Variants in ADAM32 observed in about 807,000 individuals in gnomAD.
The protein encoded by ADAM32 is ADAM metallopeptidase domain 32, also known as disintegrin and metalloproteinase domain-containing protein 32.
A neutral mutation model predicts 114.9 loss-of-function variants in ADAM32; 89 were observed. The ratio of observed to expected loss-of-function variants is 0.77; its 90% CI spans 0.65 to 0.92. ADAM32 has a LOEUF of 0.92. ADAM32 is among the 40% of genes least tolerant of loss of function. ADAM32 has a pLI of 0.00. For missense variants in ADAM32, 870 were observed against 932.8 expected (o/e 0.93, Z 0.88); for synonymous variants, 285 against 307.5 (o/e 0.93, Z 0.77).
chr8:39,136,608 C>T (rs1802818865), intron 2 of ADAM32, 49 bp from the exon 3 acceptor site: 3 of 1,222,294 alleles, frequency 2.5e-6, no homozygotes, highest in Non-Finnish European at 3.4e-6. Context: ...TGTTGTTTTG[C>T]TTCTTGTATT....
chr8:39,131,997 G>A, intron 2 of ADAM32: 1 of 318,010 alleles, frequency 3.1e-6, no homozygotes, highest in Non-Finnish European at 6.6e-6. Context: ...GGGTTCAAAC[G>A]ATTTTCCTGC....
chr8:39,149,947 T>C, intron 5 of ADAM32, 80 bp downstream of exon 5: 1 of 1,217,654 alleles, frequency 8.2e-7, no homozygotes, highest in Non-Finnish European at 1.2e-6. Context: ...GTATTAAGTG[T>C]GGGGTTGAAG....
intron 17 of ADAM32, among the ~76,000 whole-genome samples, chr8:39,246,895 T>TA (rs533298782): frequency 8.1e-4 from 123 of 152,316 alleles, no homozygotes; most frequent in Non-Finnish European, 1.3e-3. Context: ...CCACTTATCT[T>TA]ATTACTGTTT....
chr8:39,150,662 GTTC>G (rs1437862869), intron 5 of ADAM32, among the ~76,000 whole-genome samples: 8 of 151,970 alleles, frequency 5.3e-5, no homozygotes, highest in Admixed American at 2.0e-4. Context: ...ACAAACAAAT[GTTC>G]TTCTTCAGTG....
At chr8:39,268,538 G>A (rs999077032) in intron 19 of ADAM32, among the ~76,000 whole-genome samples, 2 of 152,110 alleles carry the variant, frequency 1.3e-5, no homozygotes, top group East Asian at 3.9e-4. Context: ...TGTTATCTCA[G>A]TCTAAGGCTT....
intron 3 of ADAM32, among the ~76,000 whole-genome samples, chr8:39,139,956 C>T (rs910088023): frequency 1.1e-4 from 16 of 152,142 alleles, no homozygotes; most frequent in Admixed American, 9.2e-4. Flanking sequence ...GGAGTTCACT[C>T]ATGATTTGGC....
At chr8:39,206,927 G>A (rs1294433457) in intron 11 of ADAM32, among the ~76,000 whole-genome samples, 2 of 151,918 alleles carry the variant, frequency 1.3e-5, no homozygotes, top group African/African-American at 4.8e-5. Flanking sequence ...GTGGGGGATG[G>A]GGGTGTTTGG....
chr8:39,234,099 C>T lies in ADAM32; in HGVS notation c.1818+17C>T. On this transcript the variant is annotated intron_variant, in intron 16 of 24. Coordinates refer to ENST00000379907, the MANE Select transcript of ADAM32 (RefSeq NM_145004.7). ...ATTGGGAGGGTAAATAATTTAAAATCTATTTAAAAAATATAGTTTTATTTA... is the reference window on the plus strand; with the variant it reads ...ATTGGGAGGGTAAATAATTTAAAATTTATTTAAAAAATATAGTTTTATTTA... 1 of 1,306,200 alleles carries T rather than the reference C, an allele frequency of 7.7e-7. No individual in the cohort carries two copies. The highest frequency in any genetic ancestry group is 9.9e-7 in the Non-Finnish European group (1 of 1,008,380). 80.9% of individuals were successfully genotyped at this position (1,306,200 alleles called of 1,614,324 possible). A position where few individuals can be genotyped will look rare whatever the true frequency, so the allele number is the denominator to read the frequency against.
intron 9 of ADAM32, chr8:39,167,170 A>C (rs1003731342): frequency 1.3e-5 from 2 of 152,166 alleles, no homozygotes; most frequent in African/African-American, 4.8e-5. Context: ...TTATAGTTTC[A>C]GATCTTAGTT....
intron 10 of ADAM32, among the ~76,000 whole-genome samples, chr8:39,170,336 T>C (rs908856885): frequency 1.2e-4 from 19 of 152,094 alleles, no homozygotes; most frequent in African/African-American, 4.6e-4. Flanking sequence ...AATATTCTTA[T>C]AGATAAAATA....
chr8:39,147,692 G>A (rs1255651077), intron 4 of ADAM32, among the ~76,000 whole-genome samples: 16 of 151,746 alleles, frequency 1.1e-4, no homozygotes, highest in Admixed American at 1.1e-3. Context: ...ATCATCTCTA[G>A]TTTGGATCAT....
At chr8:39,164,508 T>C (rs1377989754) in intron 7 of ADAM32, among the ~76,000 whole-genome samples, 2 of 152,258 alleles carry the variant, frequency 1.3e-5, no homozygotes, top group African/African-American at 4.8e-5. Flanking sequence ...CTGGGCCATA[T>C]AGTAAATCCA....
chr8:39,209,455 T>C (rs1808064781), intron 11 of ADAM32, among the ~76,000 whole-genome samples: 1 of 152,238 alleles, frequency 6.6e-6, no homozygotes, highest in South Asian at 2.1e-4. Context: ...AGTTTACACA[T>C]ATTTCTCCAG....
intron 10 of ADAM32, among the ~76,000 whole-genome samples, chr8:39,178,028 G>C (rs1408604508): frequency 1.3e-5 from 2 of 151,880 alleles, no homozygotes; most frequent in Admixed American, 6.6e-5. Flanking sequence ...ATCTTACTGG[G>C]GTTCTCTGGG....
intron 11 of ADAM32, among the ~76,000 whole-genome samples, chr8:39,197,067 G>C (rs967382721): frequency 1.3e-5 from 2 of 151,982 alleles, no homozygotes; most frequent in Non-Finnish European, 2.9e-5. Flanking sequence ...GTTCAATCTT[G>C]GCAGGTTGTA....
chr8:39,209,061 C>G (rs376011924), intron 11 of ADAM32, among the ~76,000 whole-genome samples: 2 of 151,804 alleles, frequency 1.3e-5, no homozygotes, highest in South Asian at 2.1e-4. Flanking sequence ...GTTCTTTGTT[C>G]TTTTAAATAA....
chr8:39,271,056 A>G, intron 20 of ADAM32, 142 bp downstream of exon 20: 2 of 686,932 alleles, frequency 2.9e-6, no homozygotes, highest in East Asian at 5.7e-5. Flanking sequence ...ATATAGTCTA[A>G]TTTAGTTTCT....
intron 10 of ADAM32, among the ~76,000 whole-genome samples, chr8:39,174,676 C>T (rs1187699307): frequency 7.7e-5 from 9 of 117,458 alleles, no homozygotes; most frequent in Non-Finnish European, 1.4e-4. Context: ...GACCCCACAA[C>T]AGTACCCAGA....
intron 3 of ADAM32, among the ~76,000 whole-genome samples, chr8:39,139,484 T>C (rs139074444): frequency 0.23 from 35,277 of 152,060 alleles, 4,249 homozygotes; most frequent in Middle Eastern, 0.31. Context: ...CAGATGGTTG[T>C]AGATGTGTGG....
Sources: gnomAD v4.1 joint callset for allele counts (sites outside exome capture counted in the v4.1 genomes callset) on GRCh38, gnomAD v4.1.1 for gene constraint, MANE v1.5 for transcripts, NCBI Gene and HGNC (gene_info 2026-07-23, HGNC 2026-07-21) for gene names.